KANK4: variants seen among roughly 807,000 people sequenced by gnomAD.
KANK4 encodes KN motif and ankyrin repeat domains 4.
KANK4 carries 50 observed loss-of-function variants against 80.8 expected under a neutral mutation model. The ratio of observed to expected loss-of-function variants is 0.62; its 90% confidence interval spans 0.49 to 0.78. The LOEUF (loss-of-function observed/expected upper bound fraction) is 0.78, where lower values mean the gene tolerates loss of function less well. Among genes scored for constraint, KANK4 ranks in the 30% least tolerant of loss-of-function variants. The probability of loss-of-function intolerance (pLI) is 0.00; values close to 1 mark genes in which losing one functional copy is unlikely to be tolerated. For synonymous variants in KANK4, 465 were observed against 506.9 expected (o/e 0.92, Z 1.11); for missense variants, 1,196 against 1,240.1 (o/e 0.96, Z 0.53).
intron 1 of KANK4, among the ~76,000 whole-genome samples, chr1:62,286,262 C>T (rs938381552): frequency 6.6e-6 from 1 of 152,226 alleles, no homozygotes; most frequent in Non-Finnish European, 1.5e-5. Flanking sequence ...TCCCAGAAAG[C>T]CAGGTTTCGG....
chr1:62,312,437 C>A (rs537683134), intron 1 of KANK4, among the ~76,000 whole-genome samples: 1 of 152,196 alleles, frequency 6.6e-6, no homozygotes, highest in Non-Finnish European at 1.5e-5. Context: ...GAATTCTATA[C>A]GGGAACCCCT....
At chr1:62,243,940 C>A (rs1671406060) in intron 9 of KANK4, among the ~76,000 whole-genome samples, 1 of 152,232 alleles carries the variant, frequency 6.6e-6, no homozygotes, top group South Asian at 2.1e-4. Context: ...GCCATGTTCC[C>A]TGCTGGTTGA....
intron 1 of KANK4, among the ~76,000 whole-genome samples, chr1:62,297,721 G>C (rs1430561371): frequency 1.3e-5 from 2 of 152,162 alleles, no homozygotes; most frequent in African/African-American, 2.4e-5. Flanking sequence ...TGAAGGAATA[G>C]CTAAAAAATT....
At chr1:62,249,683 C>T (rs954091313) in intron 8 of KANK4, among the ~76,000 whole-genome samples, 13 of 151,650 alleles carry the variant, frequency 8.6e-5, no homozygotes, top group South Asian at 6.3e-4. Context: ...GCTGGGATTA[C>T]GGGCGCCCAC....
chr1:62,300,473 AG>A (rs1326638797), intron 1 of KANK4, among the ~76,000 whole-genome samples: 1 of 152,094 alleles, frequency 6.6e-6, no homozygotes, highest in Non-Finnish European at 1.5e-5. Context: ...GGAGCATCTC[AG>A]AGGATCAGAA....
Position 62,315,475 on chromosome 1 carries a change from C to G in KANK4, c.-71+3631G>C, listed in dbSNP as rs190629607. Among the ~76,000 whole-genome samples, 345 of 152,224 alleles carry G rather than the reference C, an allele frequency of 2.3e-3. 3 individuals are homozygous for G. Among genetic ancestry groups the G allele is most frequent in the East Asian group, 7.9e-3 (41 of 5,174 alleles). On this transcript the variant is annotated intron_variant, in intron 1 of 9. Transcript: ENST00000371153. ...GGTGAGGCTTGACTATGCCAGGGATCGACACACATGTACATTATGATATTG... is the reference window on the plus strand; with the variant it reads ...GGTGAGGCTTGACTATGCCAGGGATGGACACACATGTACATTATGATATTG...
intron 9 of KANK4, among the ~76,000 whole-genome samples, chr1:62,246,071 A>G (rs1300586673): frequency 2.0e-5 from 3 of 152,184 alleles, no homozygotes; most frequent in African/African-American, 7.2e-5. Flanking sequence ...AAAGTGGGGC[A>G]GCAGGAAGAC....
At chr1:62,278,353 C>CT (rs1455893431) in intron 2 of KANK4, among the ~76,000 whole-genome samples, 3 of 16,064 alleles carry the variant, frequency 1.9e-4, no homozygotes, top group African/African-American at 4.3e-4. Flanking sequence ...TCCTTCCTTC[C>CT]TTCCTTCCTT....
At chr1:62,280,377 C>T (rs774202453) in intron 2 of KANK4, among the ~76,000 whole-genome samples, 34 of 152,128 alleles carry the variant, frequency 2.2e-4, no homozygotes, top group Admixed American at 5.9e-4. Context: ...GGCTAACAGG[C>T]CCCCGGAGCT....
intron 1 of KANK4, among the ~76,000 whole-genome samples, chr1:62,285,084 C>T (rs1672535117): frequency 6.6e-6 from 1 of 152,224 alleles, no homozygotes; most frequent in Non-Finnish European, 1.5e-5. Context: ...GAAACAGGAA[C>T]ATGTCCAAGT....
intron 1 of KANK4, among the ~76,000 whole-genome samples, chr1:62,303,389 G>A (rs1644427548): frequency 6.6e-6 from 1 of 152,004 alleles, no homozygotes; most frequent in African/African-American, 2.4e-5. Flanking sequence ...TCAACATCAT[G>A]TCATCCATAC....
chr1:62,295,056 C>T (rs1397327173), intron 1 of KANK4, among the ~76,000 whole-genome samples: 4 of 152,170 alleles, frequency 2.6e-5, no homozygotes, highest in Non-Finnish European at 5.9e-5. Context: ...TATCACCCCA[C>T]GGAGCAGCTC....
At chr1:62,289,414 C>A (rs1451112736) in intron 1 of KANK4, among the ~76,000 whole-genome samples, 1 of 151,998 alleles carries the variant, frequency 6.6e-6, no homozygotes, top group East Asian at 1.9e-4. Context: ...TTTCAAAGAG[C>A]CTCAGTGTTG....
At chr1:62,279,376 C>G (rs1672401928) in intron 2 of KANK4, among the ~76,000 whole-genome samples, 1 of 152,232 alleles carries the variant, frequency 6.6e-6, no homozygotes, top group South Asian at 2.1e-4. Context: ...TCACATGCGG[C>G]TCTGCTCCTA....
At chr1:62,316,972 C>T (rs1044537573) in intron 1 of KANK4, among the ~76,000 whole-genome samples, 6 of 152,098 alleles carry the variant, frequency 3.9e-5, no homozygotes, top group Admixed American at 1.3e-4. Context: ...TGTTTAATGC[C>T]GAAGTTCAAA....
At chr1:62,302,275 G>A (rs1355559531) in intron 1 of KANK4, among the ~76,000 whole-genome samples, 1 of 151,926 alleles carries the variant, frequency 6.6e-6, no homozygotes, top group African/African-American at 2.4e-5. Context: ...CATGTTTGCA[G>A]GTCTGGAGGA....
At position 62,237,103 on chromosome 1, in the gene KANK4, T is replaced by C. The variant is rs1241394867; in HGVS notation, c.*1174A>G. The C allele has an allele frequency of 6.6e-6, 1 of 151,436 alleles. No homozygotes were observed. The highest frequency in any genetic ancestry group is 1.5e-5 in the Non-Finnish European group (1 of 67,966). 9.4% of individuals were successfully genotyped at this position (151,436 alleles called of 1,614,324 possible). A position where few individuals can be genotyped will look rare whatever the true frequency, so the allele number is the denominator to read the frequency against. On this transcript the variant is annotated 3_prime_UTR_variant, in exon 10 of 10. Transcript: ENST00000371153. ...TTTCCAATGTAAAGCTCATCAAACT[T>C]TGACATTACTTCTTTTTATATAAGG...
chr1:62,317,944 C>T (rs1401717855), intron 1 of KANK4, among the ~76,000 whole-genome samples: 1 of 152,162 alleles, frequency 6.6e-6, no homozygotes, highest in East Asian at 1.9e-4. Context: ...AACTCACTTT[C>T]CCCAGGTCAC....
chr1:62,271,967 C>G (rs1024220682), intron 3 of KANK4: 4 of 192,152 alleles, frequency 2.1e-5, no homozygotes, highest in Non-Finnish European at 4.4e-5. Context: ...TCAAGGGCAC[C>G]TCAGTGGTCC....
Sources: allele counts gnomAD v4.1 joint callset (sites outside exome capture counted in the v4.1 genomes callset), GRCh38; gene constraint gnomAD v4.1.1; transcripts MANE v1.5; gene names NCBI Gene and HGNC (gene_info 2026-07-23, HGNC 2026-07-21).